HPGDS: variants seen among roughly 807,000 people sequenced by gnomAD.
HPGDS encodes the protein hematopoietic prostaglandin D synthase, also known as GST class-sigma.
Under a neutral mutation model 23.1 loss-of-function variants are expected in HPGDS, and 26 were observed. The observed-to-expected ratio is 1.13, with a 90% CI of 0.83 to 1.56. HPGDS has a LOEUF of 1.56. HPGDS is among the 40% of genes most tolerant of loss of function. HPGDS has a pLI of 0.00. For missense variants in HPGDS, 268 were observed against 236.4 expected, an observed-to-expected ratio of 1.13 and a Z score of -0.88; for synonymous variants, 95 against 77.9, an observed-to-expected ratio of 1.22 and a Z score of -1.16.
intron 1 of HPGDS, among the ~76,000 whole-genome samples, chr4:94,334,858 A>G (rs1720962619): frequency 6.6e-6 from 1 of 152,226 alleles, no homozygotes; most frequent in Non-Finnish European, 1.5e-5. Flanking sequence ...TTAGAACATT[A>G]CAGTGAAATA....
rs747729913 is a variant in HPGDS at position 94,299,596 on chromosome 4, C to T, written c.484G>A (p.Val162Ile). The change falls in exon 6 of 6, where the codon GTC becomes ATC. Residue 162 changes from valine to isoleucine, a missense_variant. Val to Ile is a conservative substitution (Grantham distance 29, BLOSUM62 3). Coordinates refer to ENST00000295256, the MANE Select transcript of HPGDS (RefSeq NM_014485.3). The stretch of plus-strand genomic sequence containing the variant: ...TTGTCTAACAGGTCAGGCTTAAAGA[C>T]CAAAAGTGTGGTACTGCAAATCTCC... ...YWEICSTTLL[V>I]FKPDLLDNHP... The T allele has an allele frequency of 1.9e-6, 3 of 1,614,098 alleles. No homozygotes were observed. Among genetic ancestry groups the T allele is most frequent in the Non-Finnish European group, 1.7e-6 (2 of 1,179,994 alleles).
At chr4:94,329,525 C>G (rs1340760414) in intron 2 of HPGDS, among the ~76,000 whole-genome samples, 1 of 152,118 alleles carries the variant, frequency 6.6e-6, no homozygotes, top group East Asian at 1.9e-4. Flanking sequence ...ATAACCACCT[C>G]AAATAGGACA....
chr4:94,303,834 T>C (rs1054117499), intron 4 of HPGDS: 1 of 152,154 alleles, frequency 6.6e-6, no homozygotes, highest in African/African-American at 2.4e-5. Context: ...TTTGTGTATA[T>C]GCAGAGTCAA....
rs772677877 is a variant in HPGDS at position 94,334,524 on chromosome 4, G to A, written c.106C>T (p.Gln36Ter). 1.2e-6 allele frequency: 2 copies of A among 1,605,778 alleles called. No individual in the cohort carries two copies. The highest frequency in any genetic ancestry group is 1.7e-6 in the Non-Finnish European group (2 of 1,176,584). ...DIQYEDHRIE[Q>*]ADWPEIKSTL... ...GATTTGATTTCAGGCCAGTCAGCTT[G>A]TTCTATTCTGTGGTCTTCATACTGT... Residue 36 changes from glutamine to a stop codon, truncating the protein, a stop_gained, in exon 2 of 6, where the codon CAA becomes TAA. Transcript: ENST00000295256. LOFTEE classifies it high-confidence loss of function.
rs148986944 is a variant in HPGDS at position 94,304,818 on chromosome 4, T to G, written c.337-2574A>C. Among the ~76,000 whole-genome samples, 1,148 of 152,204 alleles carry G rather than the reference T, an allele frequency of 7.5e-3. 7 individuals carry two copies. The highest frequency in any genetic ancestry group is 0.026 in the African/African-American group (1,071 of 41,550). ...CTAATACAAAGGTAGAGTGTTACTCTTATCATAAATGTTCGAAGAATATTT... is the reference window on the plus strand; with the variant it reads ...CTAATACAAAGGTAGAGTGTTACTCGTATCATAAATGTTCGAAGAATATTT... On this transcript the variant is annotated intron_variant, in intron 4 of 5. Transcript: ENST00000295256.
At chr4:94,315,753 T>C (rs1179180048) in intron 3 of HPGDS, among the ~76,000 whole-genome samples, 1 of 152,236 alleles carries the variant, frequency 6.6e-6, no homozygotes, top group East Asian at 1.9e-4. Flanking sequence ...GTAAACTATA[T>C]TTTTGTGTGT....
chr4:94,310,593 G>C (rs901199970), intron 3 of HPGDS, among the ~76,000 whole-genome samples: 1 of 152,126 alleles, frequency 6.6e-6, no homozygotes, highest in African/African-American at 2.4e-5. Flanking sequence ...TGTTCTTTTT[G>C]CTTAGGATTG....
At chr4:94,323,779 G>T (rs1014275033) in intron 2 of HPGDS, among the ~76,000 whole-genome samples, 2 of 152,066 alleles carry the variant, frequency 1.3e-5, no homozygotes, top group Non-Finnish European at 2.9e-5. Flanking sequence ...GGTTAATATT[G>T]TTATGTGTGA....
intron 1 of HPGDS, among the ~76,000 whole-genome samples, chr4:94,340,338 T>TC (rs1721133664): frequency 5.6e-5 from 3 of 53,130 alleles, no homozygotes; most frequent in Non-Finnish European, 7.7e-5. Flanking sequence ...TTTTTTTTTT[T>TC]TTTTTTTTTT....
intron 1 of HPGDS, among the ~76,000 whole-genome samples, chr4:94,340,833 C>CTTT (rs769902962): frequency 1.7e-5 from 2 of 114,472 alleles, no homozygotes; most frequent in African/African-American, 3.5e-5. Flanking sequence ...AAATTTTTTT[C>CTTT]TTTTTTTTTT....
chr4:94,311,874 TATGTGTCGAGGA>T (rs1323120279), intron 3 of HPGDS, among the ~76,000 whole-genome samples: 1 of 151,366 alleles, frequency 6.6e-6, no homozygotes, highest in African/African-American at 2.5e-5. Flanking sequence ...TGGGAGGGTG[TATGTGTCGAGGA>T]ATGTATCCAT....
At chr4:94,318,090 T>C in intron 2 of HPGDS, 125 bp from the exon 3 acceptor site, 2 of 654,630 alleles carry the variant, frequency 3.1e-6, no homozygotes, top group Non-Finnish European at 5.4e-6. Context: ...TTAAATATTT[T>C]TAAAGGAACA....
Position 94,317,853 on chromosome 4 carries a change from A to T in HPGDS, c.226+20T>A, listed in dbSNP as rs778646606. ...ATTTGTTTCAGTTATCAAAAATCTT[A>T]AGCACAATAAACATGTTACCTGTGT... is the stretch of plus-strand genomic sequence containing the variant. On this transcript the variant is annotated intron_variant, in intron 3 of 5. Coordinates refer to ENST00000295256, the MANE Select transcript of HPGDS (RefSeq NM_014485.3). The T allele has an allele frequency of 7.0e-7, 1 of 1,431,268 alleles. No homozygotes were observed. The allele number at this position is 1,431,268 out of a possible 1,614,324, so 88.7% of individuals were successfully genotyped here.
chr4:94,328,952 T>C (rs1018332126), intron 2 of HPGDS, among the ~76,000 whole-genome samples: 6 of 152,220 alleles, frequency 3.9e-5, no homozygotes, highest in Admixed American at 1.3e-4. Context: ...ACTTCACATC[T>C]GGAATAAAAA....
At chr4:94,307,635 A>T (rs1756163011) in intron 4 of HPGDS, among the ~76,000 whole-genome samples, 1 of 152,186 alleles carries the variant, frequency 6.6e-6, no homozygotes, top group Admixed American at 6.6e-5. Flanking sequence ...GGAGAACTCC[A>T]CAAAGAATGG....
intron 1 of HPGDS, among the ~76,000 whole-genome samples, chr4:94,340,550 G>C (rs1383127448): frequency 3.5e-5 from 5 of 143,598 alleles, no homozygotes; most frequent in Non-Finnish European, 7.6e-5. Context: ...CGTGTTAGCC[G>C]GGGTGGTCTC....
At chr4:94,335,496 A>C (rs950249140) in intron 1 of HPGDS, among the ~76,000 whole-genome samples, 2 of 152,368 alleles carry the variant, frequency 1.3e-5, no homozygotes, top group Non-Finnish European at 1.5e-5. Context: ...ACAACTGAGA[A>C]AGAAATGTTT....
chr4:94,302,364 G>C, intron 4 of HPGDS, 120 bp from the exon 5 acceptor site: 1 of 678,914 alleles, frequency 1.5e-6, no homozygotes, highest in Non-Finnish European at 2.5e-6. Flanking sequence ...AAGAGAAGTA[G>C]CTAGATTTTT....
At chr4:94,340,840 T>A (rs1274972945) in intron 1 of HPGDS, among the ~76,000 whole-genome samples, 4 of 129,820 alleles carry the variant, frequency 3.1e-5, no homozygotes, top group African/African-American at 1.2e-4. Flanking sequence ...TTTCTTTTTT[T>A]TTTTCTTTCT....
Sources: allele counts gnomAD v4.1 joint callset (sites outside exome capture counted in the v4.1 genomes callset), GRCh38; gene constraint gnomAD v4.1.1; transcripts MANE v1.5; gene names NCBI Gene and HGNC (gene_info 2026-07-23, HGNC 2026-07-21).